The following ZNF585A variants were observed in gnomAD, a reference collection of about 807,000 sequenced individuals.
The protein encoded by ZNF585A is zinc finger protein 585A.
A neutral mutation model predicts 14.9 loss-of-function variants in ZNF585A; 9 were observed. The observed-to-expected ratio is 0.60, with a 90% CI of 0.36 to 1.05. ZNF585A has a LOEUF of 1.05. ZNF585A is among the 50% of genes least tolerant of loss of function. ZNF585A has a pLI of 0.01. For synonymous variants in ZNF585A, 276 were observed against 319.9 expected (o/e 0.86, Z 1.46); for missense variants, 726 against 926.4 (o/e 0.78, Z 2.81).
chr19:37,155,782 A>T, intron 4 of ZNF585A, 83 bp downstream of exon 4: 1 of 1,465,458 alleles, frequency 6.8e-7, no homozygotes, highest in Non-Finnish European at 9.5e-7. Context: ...TCTTAATAGT[A>T]TTCCAAGGGT....
At position 37,152,990 on chromosome 19, in the gene ZNF585A, A is replaced by G. The variant is rs779625830; in HGVS notation, c.909T>C (p.Cys303=). 1 of 1,614,228 alleles carries G rather than the reference A, an allele frequency of 6.2e-7. No individual in the cohort carries two copies. The highest frequency in any genetic ancestry group is 1.1e-5 in the South Asian group (1 of 91,088). Residue 303 remains cysteine, a synonymous_variant, in exon 5 of 5, where the codon TGT becomes TGC. Coordinates refer to ENST00000292841, the MANE Select transcript of ZNF585A (RefSeq NM_001288800.2). ...GTGACTTGGAAATGAAGGATTTGCC[A>G]CAGTTACTGCACTCATATGGTTTTT... ...TGEKPYECSN[C]GKSFISKSQL...
At chr19:37,166,210 C>T (rs923711472) in intron 2 of ZNF585A, among the ~76,000 whole-genome samples, 5 of 151,814 alleles carry the variant, frequency 3.3e-5, no homozygotes, top group African/African-American at 7.3e-5. Context: ...GATGGGGTTT[C>T]GCCATGTTGA....
intron 1 of ZNF585A, among the ~76,000 whole-genome samples, chr19:37,170,695 G>T (rs767475057): frequency 6.6e-6 from 1 of 152,124 alleles, no homozygotes; most frequent in Non-Finnish European, 1.5e-5. Context: ...AGGATGGTCT[G>T]GATCTCCTGA....
chr19:37,169,746 A>G, intron 2 of ZNF585A, 93 bp downstream of exon 2: 2 of 1,497,546 alleles, frequency 1.3e-6, no homozygotes, highest in Non-Finnish European at 1.8e-6. Context: ...CCTGTGGCCC[A>G]GCTCCCTCCC....
At chr19:37,166,280 C>CT in intron 2 of ZNF585A, among the ~76,000 whole-genome samples, 1 of 150,610 alleles carries the variant, frequency 6.6e-6, no homozygotes, top group Admixed American at 6.6e-5. Context: ...TCCCAAAGTG[C>CT]TGGGATTACA....
rs201424864 is a variant in ZNF585A at position 37,155,960 on chromosome 19, G to A, written c.200-3C>T. 6.2e-7 allele frequency: 1 copy of A among 1,613,766 alleles called. No individual in the cohort carries two copies. The highest frequency in any genetic ancestry group is 8.5e-7 in the Non-Finnish European group (1 of 1,180,016). On this transcript the variant is annotated splice_region_variant and splice_polypyrimidine_tract_variant and intron_variant, in intron 3 of 4. Coordinates refer to ENST00000292841, the MANE Select transcript of ZNF585A (RefSeq NM_001288800.2). ...CTCTGCTTCAGGAACTTGATATCCT[G>A]TTCATGGGAAATGATAAAGGTCTGG...
In ZNF585A at chr19:37,153,116, C is replaced by G; in HGVS notation, c.783G>C (p.Gln261His). Residue 261 changes from glutamine to histidine, a missense_variant, in exon 5 of 5, where the codon CAG becomes CAC. Physicochemically the swap from Gln to His is conservative, Grantham distance 24. Coordinates refer to ENST00000292841, the MANE Select transcript of ZNF585A (RefSeq NM_001288800.2). The part of the protein sequence containing the change: ...FTQKSTLKMH[Q>H]KIHTGERSYI... The stretch of plus-strand genomic sequence containing the variant: ...AGGATCTCTCGCCTGTATGGATTTT[C>G]TGATGCATCTTGAGTGTGGACTTTT... 6.2e-7 allele frequency: 1 copy of G among 1,614,168 alleles called. No homozygotes were observed. The highest frequency in any genetic ancestry group is 8.5e-7 in the Non-Finnish European group (1 of 1,180,028).
At chr19:37,167,583 T>G (rs11669760) in intron 2 of ZNF585A, among the ~76,000 whole-genome samples, 2,174 of 148,520 alleles carry the variant, frequency 0.015, 27 homozygotes, top group Non-Finnish European at 0.022. Context: ...AGCCTTTTAC[T>G]TTTTATTTTT....
intron 2 of ZNF585A, among the ~76,000 whole-genome samples, chr19:37,165,030 T>C (rs1413630113): frequency 2.0e-5 from 3 of 152,108 alleles, no homozygotes; most frequent in Admixed American, 1.3e-4. Flanking sequence ...TGGTAAATGG[T>C]ATTTAAAGAT....
rs1159041788 is a variant in ZNF585A at position 37,147,743 on chromosome 19, C to A, written c.*3846G>T. On this transcript the variant is annotated 3_prime_UTR_variant, in exon 5 of 5. Coordinates refer to ENST00000292841, the MANE Select transcript of ZNF585A (RefSeq NM_001288800.2). ...ACATATAAAATTAAAATATATAAATCTAGTTTTTACACTTATAAATCTTTT... is the reference window on the plus strand; with the variant it reads ...ACATATAAAATTAAAATATATAAATATAGTTTTTACACTTATAAATCTTTT... 1 of 152,006 alleles carries A rather than the reference C, an allele frequency of 6.6e-6. No individual in the cohort carries two copies. The highest frequency in any genetic ancestry group is 2.4e-5 in the African/African-American group (1 of 41,392). The allele number at this position is 152,006 out of a possible 1,614,324, so 9.4% of individuals were successfully genotyped here. A position where few individuals can be genotyped will look rare whatever the true frequency, so the allele number is the denominator to read the frequency against.
At chr19:37,166,803 C>G (rs1599755381) in intron 2 of ZNF585A, among the ~76,000 whole-genome samples, 1 of 151,858 alleles carries the variant, frequency 6.6e-6, no homozygotes, top group Non-Finnish European at 1.5e-5. Flanking sequence ...AGTTTTTCCC[C>G]TCTACCCACA....
intron 2 of ZNF585A, among the ~76,000 whole-genome samples, chr19:37,165,132 C>T (rs1352512245): frequency 8.6e-5 from 13 of 151,998 alleles, no homozygotes; most frequent in African/African-American, 2.2e-4. Flanking sequence ...GAGGCTGAGG[C>T]GGGTGGATCA....
rs1346390710 is a variant in ZNF585A at position 37,147,823 on chromosome 19, G to A, written c.*3766C>T. On this transcript the variant is annotated 3_prime_UTR_variant, in exon 5 of 5. Coordinates refer to ENST00000292841, the MANE Select transcript of ZNF585A (RefSeq NM_001288800.2). ...TTACCTAAAATACAACAGCACTTTT[G>A]AGATTCATCCATGTTGTAGTAAGTG... 1 of 152,122 alleles carries A rather than the reference G, an allele frequency of 6.6e-6. No individual in the cohort carries two copies. Among genetic ancestry groups the A allele is most frequent in the African/African-American group, 2.4e-5 (1 of 41,428 alleles). The allele number at this position is 152,122 out of a possible 1,614,324, so 9.4% of individuals were successfully genotyped here.
At position 37,148,223 on chromosome 19, in the gene ZNF585A, G is replaced by A. The variant is rs918480953; in HGVS notation, c.*3366C>T. 1 of 152,172 alleles carries A rather than the reference G, an allele frequency of 6.6e-6. No homozygotes were observed. Among genetic ancestry groups the A allele is most frequent in the Non-Finnish European group, 1.5e-5 (1 of 68,032 alleles). The allele number at this position is 152,172 out of a possible 1,614,324, so 9.4% of individuals were successfully genotyped here. ...TAGCCATTCTAAAAGCCATTCTATA[G>A]TAGTATCTCATTGTGGTTTGATTTA... On this transcript the variant is annotated 3_prime_UTR_variant, in exon 5 of 5. Transcript: ENST00000292841.
At position 37,148,553 on chromosome 19, in the gene ZNF585A, C is replaced by T. The variant is rs1212486583; in HGVS notation, c.*3036G>A. On this transcript the variant is annotated 3_prime_UTR_variant, in exon 5 of 5. Coordinates refer to ENST00000292841, the MANE Select transcript of ZNF585A (RefSeq NM_001288800.2). ...GGAAAGAAGTTAGGGAAGTGAGGGG[C>T]CTGTTCTTCATCTTGATTGTGGTGT... 6.6e-6 allele frequency: 1 copy of T among 152,070 alleles called. No individual in the cohort carries two copies. The highest frequency in any genetic ancestry group is 1.5e-5 in the Non-Finnish European group (1 of 68,030). 9.4% of individuals were successfully genotyped at this position (152,070 alleles called of 1,614,324 possible).
chr19:37,166,841 T>C (rs1207076419), intron 2 of ZNF585A, among the ~76,000 whole-genome samples: 1 of 152,056 alleles, frequency 6.6e-6, no homozygotes, highest in Admixed American at 6.6e-5. Flanking sequence ...AAACTTACTT[T>C]ATTTATTTAT....
chr19:37,161,978 C>T (rs1272712247), intron 2 of ZNF585A, among the ~76,000 whole-genome samples: 1 of 152,182 alleles, frequency 6.6e-6, no homozygotes, highest in Non-Finnish European at 1.5e-5. Flanking sequence ...GGCTGCAGTG[C>T]AGTGGCGCAA....
Position 37,149,766 on chromosome 19 carries a change from T to C in ZNF585A, c.*1823A>G, listed in dbSNP as rs2145392816. On this transcript the variant is annotated 3_prime_UTR_variant, in exon 5 of 5. Coordinates refer to ENST00000292841, the MANE Select transcript of ZNF585A (RefSeq NM_001288800.2). Reference sequence around the variant, plus strand: ...CTTGTGGTCTCCTGAGATCTCCAGATCATCCCTGGCCCACCCTGGGTCCAT... The same window carrying C: ...CTTGTGGTCTCCTGAGATCTCCAGACCATCCCTGGCCCACCCTGGGTCCAT... The C allele has an allele frequency of 6.6e-6, 1 of 152,364 alleles. No homozygotes were observed. Among genetic ancestry groups the C allele is most frequent in the East Asian group, 1.9e-4 (1 of 5,180 alleles). The allele number at this position is 152,364 out of a possible 1,614,324, so 9.4% of individuals were successfully genotyped here.
chr19:37,152,366 T>C lies in ZNF585A; in HGVS notation c.1533A>G (p.Thr511=). ...KAFTQRSDLI[T]HQRIHTGEKP... is the part of the protein sequence containing the mutation. ...TCTCCCCAGTATGGATTCTCTGATG[T>C]GTAATCAAGTCTGACCTCTGGGTGA... Residue 511 remains threonine, a synonymous_variant, in exon 5 of 5, where the codon ACA becomes ACG. Transcript: ENST00000292841. 2 of 1,613,614 alleles carry C rather than the reference T, an allele frequency of 1.2e-6. No homozygotes were observed. Among genetic ancestry groups the C allele is most frequent in the Non-Finnish European group, 1.7e-6 (2 of 1,179,906 alleles).
Sources: allele counts gnomAD v4.1 joint callset (sites outside exome capture counted in the v4.1 genomes callset), GRCh38; gene constraint gnomAD v4.1.1; transcripts MANE v1.5; gene names NCBI Gene and HGNC (gene_info 2026-07-23, HGNC 2026-07-21).